MAGI2: variants seen among roughly 807,000 people sequenced by gnomAD.
MAGI2 encodes membrane associated guanylate kinase, WW and PDZ domain containing 2.
Under a neutral mutation model 133.3 loss-of-function variants are expected in MAGI2, and 35 were observed. That is an observed-to-expected ratio of 0.26 (90% CI 0.20 to 0.35). The LOEUF is 0.35. Among genes scored for constraint, MAGI2 ranks in the 10% least tolerant of loss-of-function variants. The pLI, the probability that MAGI2 is intolerant of heterozygous loss-of-function variation, is 1.00. For synonymous variants in MAGI2, 729 were observed against 710.6 expected, an observed-to-expected ratio of 1.03 and a Z score of -0.41; for missense variants, 1,636 against 1,863.4, an observed-to-expected ratio of 0.88 and a Z score of 2.25.
intron 11 of MAGI2, among the ~76,000 whole-genome samples, chr7:78,196,362 CTTGTTGT>C (rs1224793045): frequency 2.6e-5 from 4 of 152,120 alleles, no homozygotes; most frequent in African/African-American, 7.2e-5. Flanking sequence ...CGTCTTTCTA[CTTGTTGT>C]ATTACCAGTG....
At chr7:79,171,770 A>ATATATATATATATATATATTT in intron 1 of MAGI2, among the ~76,000 whole-genome samples, 8 of 31,224 alleles carry the variant, frequency 2.6e-4, no homozygotes, top group Admixed American at 8.0e-4. Flanking sequence ...ATATATATAT[A>ATATATATATATATATATATTT]TTTTTTTTTT....
At chr7:79,088,278 G>A (rs35417204) in intron 1 of MAGI2, among the ~76,000 whole-genome samples, 5,438 of 152,096 alleles carry the variant, frequency 0.036, 148 homozygotes, top group South Asian at 0.068. Context: ...TAGTAATTGT[G>A]AATGGGAATT....
At chr7:78,651,894 GA>G (rs1474219175) in intron 2 of MAGI2, among the ~76,000 whole-genome samples, 1 of 151,792 alleles carries the variant, frequency 6.6e-6, no homozygotes, top group African/African-American at 2.4e-5. Context: ...AAAGAGAAAA[GA>G]AAAAAAGCCT....
At chr7:78,543,358 A>G (rs949562568) in intron 3 of MAGI2, among the ~76,000 whole-genome samples, 1 of 152,214 alleles carries the variant, frequency 6.6e-6, no homozygotes, top group Non-Finnish European at 1.5e-5. Flanking sequence ...ACACAACCCT[A>G]TTAGCAGATC....
At chr7:79,430,756 A>C (rs940682376) in intron 1 of MAGI2, among the ~76,000 whole-genome samples, 3 of 152,190 alleles carry the variant, frequency 2.0e-5, no homozygotes, top group African/African-American at 7.2e-5. Context: ...AACTCACCAA[A>C]TATATCTCCA....
chr7:79,376,541 G>A (rs1172893310), intron 1 of MAGI2, among the ~76,000 whole-genome samples: 1 of 151,836 alleles, frequency 6.6e-6, no homozygotes, highest in Non-Finnish European at 1.5e-5. Flanking sequence ...CCATGAAGAT[G>A]TCGATGGTTG....
At position 78,019,247 on chromosome 7, in the gene MAGI2, C is replaced by A; in HGVS notation, c.*68G>T. On this transcript the variant is annotated 3_prime_UTR_variant, in exon 22 of 22. Coordinates refer to ENST00000354212, the MANE Select transcript of MAGI2 (RefSeq NM_012301.4). ...GTGTGACAGTGAAAATAAATTAAAA[C>A]GCCGTGAGACGGAACCTAAGAAGAA... 6.5e-7 allele frequency: 1 copy of A among 1,540,580 alleles called. No individual in the cohort carries two copies. Among genetic ancestry groups the A allele is most frequent in the South Asian group, 1.2e-5 (1 of 85,086 alleles).
At position 79,183,735 on chromosome 7, in the gene MAGI2, TAA is replaced by T. The variant is rs1442430778; in HGVS notation, c.302-176531_302-176530del. Among the ~76,000 whole-genome samples, 8 of 151,986 alleles carry T rather than the reference TAA, an allele frequency of 5.3e-5. No individual in the cohort carries two copies. In the East Asian group the frequency reaches 1.5e-3, roughly 29 times the overall value. ...TCAATTCCAAGAGACGGAATCAACT[TAA>T]GTGTCCATCAGTAGATAAATAGATA... On this transcript the variant is annotated intron_variant, in intron 1 of 21. Coordinates refer to ENST00000354212, the MANE Select transcript of MAGI2 (RefSeq NM_012301.4).
chr7:78,109,313 A>AAAAAAAAAAAAC (rs1819086919), intron 20 of MAGI2, among the ~76,000 whole-genome samples: 1 of 115,176 alleles, frequency 8.7e-6, no homozygotes. Flanking sequence ...CAAAAAAAAA[A>AAAAAAAAAAAAC]AAAAAAAAAA....
At chr7:78,896,270 A>G (rs147196505) in intron 2 of MAGI2, among the ~76,000 whole-genome samples, 2,067 of 152,102 alleles carry the variant, frequency 0.014, 18 homozygotes, top group Non-Finnish European at 0.018. Context: ...GGTGTACTTG[A>G]AACTATCTTT....
At chr7:78,209,246 G>C (rs372856058) in intron 10 of MAGI2, among the ~76,000 whole-genome samples, 1 of 62,246 alleles carries the variant, frequency 1.6e-5, no homozygotes. Flanking sequence ...AAAAAAAAAA[G>C]ACAGGAACCT....
chr7:79,364,442 A>G (rs959536501), intron 1 of MAGI2, among the ~76,000 whole-genome samples: 6 of 152,086 alleles, frequency 3.9e-5, no homozygotes, highest in Admixed American at 3.9e-4. Flanking sequence ...GTAAAACACA[A>G]TGTTGTACAC....
intron 1 of MAGI2, among the ~76,000 whole-genome samples, chr7:79,158,338 A>G (rs973979819): frequency 6.6e-6 from 1 of 152,150 alleles, no homozygotes; most frequent in African/African-American, 2.4e-5. Flanking sequence ...GGCTTAAAAA[A>G]TAAAAGTGCT....
intron 6 of MAGI2, among the ~76,000 whole-genome samples, chr7:78,413,638 T>C (rs569238877): frequency 1.3e-4 from 20 of 152,084 alleles, no homozygotes; most frequent in African/African-American, 4.6e-4. Context: ...TGAGGAGATC[T>C]TGGGGAAAAT....
intron 1 of MAGI2, among the ~76,000 whole-genome samples, chr7:79,026,329 A>G (rs1268214776): frequency 6.6e-6 from 1 of 152,236 alleles, no homozygotes; most frequent in Admixed American, 6.5e-5. Flanking sequence ...CATCCCTTCA[A>G]TTACTTGCAA....
Position 79,019,657 on chromosome 7 carries a change from G to C in MAGI2, c.302-12451C>G, listed in dbSNP as rs1210646549. ...CATCCTGGGTTCAAACAATTCTCCT[G>C]CCTCAGCCTCCCAAGTAGCTGGGAC... On this transcript the variant is annotated intron_variant, in intron 1 of 21. Coordinates refer to ENST00000354212, the MANE Select transcript of MAGI2 (RefSeq NM_012301.4). 9.6e-4 allele frequency among the ~76,000 whole-genome samples: 145 copies of C among 151,832 alleles called. 2 individuals are homozygous for C. Among genetic ancestry groups the C allele is most frequent in the Non-Finnish European group, 4.4e-5 (3 of 67,960 alleles).
At chr7:78,218,520 AC>A (rs1788488245) in intron 10 of MAGI2, among the ~76,000 whole-genome samples, 1 of 152,238 alleles carries the variant, frequency 6.6e-6, no homozygotes, top group South Asian at 2.1e-4. Flanking sequence ...TTTTAGTGAT[AC>A]CACAATATTT....
At chr7:78,535,628 T>G (rs1797823219) in intron 3 of MAGI2, among the ~76,000 whole-genome samples, 1 of 152,004 alleles carries the variant, frequency 6.6e-6, no homozygotes. Context: ...GAACTAACTT[T>G]GGGAGGAACT....
At chr7:79,371,020 T>TA (rs201624499) in intron 1 of MAGI2, among the ~76,000 whole-genome samples, 10 of 151,734 alleles carry the variant, frequency 6.6e-5, no homozygotes, top group South Asian at 2.1e-4. Context: ...GAGTAAGAAA[T>TA]AAAAAAAAGG....
Sources: gnomAD v4.1 joint callset for allele counts (sites outside exome capture counted in the v4.1 genomes callset) on GRCh38, gnomAD v4.1.1 for gene constraint, MANE v1.5 for transcripts, NCBI Gene and HGNC (gene_info 2026-07-23, HGNC 2026-07-21) for gene names.